The following ARHGAP12 variants were observed in gnomAD, a reference collection of about 807,000 sequenced individuals.
ARHGAP12 encodes rho GTPase-activating protein 12.
ARHGAP12 carries 64 observed loss-of-function variants against 108.6 expected under a neutral mutation model. That is an observed-to-expected ratio of 0.59 (90% CI 0.48 to 0.73). ARHGAP12 has a LOEUF of 0.73. Ranked by LOEUF, ARHGAP12 falls within the 30% of genes least tolerant of loss-of-function variation. The pLI, the probability that ARHGAP12 is intolerant of heterozygous loss-of-function variation, is 0.00. For missense variants in ARHGAP12, 940 were observed against 1,005.9 expected (o/e 0.93, Z 0.89); for synonymous variants, 312 against 337.2 (o/e 0.93, Z 0.82).
chr10:31,825,735 A>T (rs545736604), intron 11 of ARHGAP12, among the ~76,000 whole-genome samples: 1 of 152,310 alleles, frequency 6.6e-6, no homozygotes, highest in South Asian at 2.1e-4. Context: ...TATGTCACAA[A>T]TTATAATTTT....
intron 3 of ARHGAP12, among the ~76,000 whole-genome samples, chr10:31,862,861 T>C (rs1178003849): frequency 1.3e-5 from 2 of 152,238 alleles, no homozygotes. Context: ...CCTAGAATTA[T>C]ATTCAGATGT....
intron 10 of ARHGAP12, 117 bp from the exon 11 acceptor site, chr10:31,826,502 A>G: frequency 1.4e-6 from 1 of 738,342 alleles, no homozygotes; most frequent in South Asian, 2.4e-5. Context: ...AGCCTTGTTG[A>G]CATTTTAATT....
At chr10:31,906,255 A>C (rs955597685) in intron 3 of ARHGAP12, among the ~76,000 whole-genome samples, 2 of 152,206 alleles carry the variant, frequency 1.3e-5, no homozygotes, top group Admixed American at 1.3e-4. Context: ...CTTCTGATTC[A>C]GTGACTCACA....
At chr10:31,849,389 G>A (rs1836586750) in intron 6 of ARHGAP12, among the ~76,000 whole-genome samples, 2 of 151,918 alleles carry the variant, frequency 1.3e-5, no homozygotes, top group Admixed American at 1.3e-4. Context: ...AAATTTTTAG[G>A]GTAAAGACCA....
intron 2 of ARHGAP12, among the ~76,000 whole-genome samples, chr10:31,909,827 C>T (rs1482004257): frequency 2.6e-5 from 4 of 152,112 alleles, no homozygotes; most frequent in African/African-American, 9.7e-5. Context: ...GCCCAGGAGG[C>T]TGAAGTTGTG....
intron 13 of ARHGAP12, among the ~76,000 whole-genome samples, chr10:31,816,507 T>C (rs547829474): frequency 6.6e-6 from 1 of 152,264 alleles, no homozygotes; most frequent in East Asian, 1.9e-4. Context: ...GCATAAGGCA[T>C]TCACATATTT....
At position 31,928,790 on chromosome 10, in the gene ARHGAP12, G is replaced by T. The variant is rs889810702; in HGVS notation, c.-218C>A. 2 of 151,850 alleles carry T rather than the reference G, an allele frequency of 1.3e-5. No homozygotes were observed. The highest frequency in any genetic ancestry group is 2.9e-5 in the Non-Finnish European group (2 of 67,950). 9.4% of individuals were successfully genotyped at this position (151,850 alleles called of 1,614,324 possible). A position where few individuals can be genotyped will look rare whatever the true frequency, so the allele number is the denominator to read the frequency against. On this transcript the variant is annotated 5_prime_UTR_variant, in exon 1 of 20. Transcript: ENST00000344936. ...CGTTCACACGGCTACGGCCGCGGCC[G>T]GCCCGTCCCCGCAGGCTGGCCTCTG...
chr10:31,886,596 T>A (rs904820751), intron 3 of ARHGAP12, among the ~76,000 whole-genome samples: 1 of 152,150 alleles, frequency 6.6e-6, no homozygotes, highest in African/African-American at 2.4e-5. Context: ...TATACTGACA[T>A]CATATTCCAA....
chr10:31,853,854 G>A (rs984259413), intron 5 of ARHGAP12, among the ~76,000 whole-genome samples: 3 of 152,106 alleles, frequency 2.0e-5, no homozygotes, highest in African/African-American at 7.2e-5. Context: ...TCTTCCATGA[G>A]TACAAGAGCA....
At chr10:31,866,284 G>C (rs1284800262) in intron 3 of ARHGAP12, among the ~76,000 whole-genome samples, 1 of 152,182 alleles carries the variant, frequency 6.6e-6, no homozygotes, top group East Asian at 1.9e-4. Flanking sequence ...CAGCAATTAA[G>C]AAGTTTTTAA....
intron 3 of ARHGAP12, among the ~76,000 whole-genome samples, chr10:31,873,802 A>C (rs553792637): frequency 2.0e-5 from 3 of 152,258 alleles, no homozygotes; most frequent in East Asian, 1.9e-4. Context: ...CCTCATTATT[A>C]ATTTGTGTTA....
At position 31,852,517 on chromosome 10, in the gene ARHGAP12, C is replaced by G. The variant is rs767800748; in HGVS notation, c.1170G>C (p.Lys390Asn). The change falls in exon 6 of 20, where the codon AAG (lysine) becomes AAC (asparagine). Residue 390 changes from lysine (K) to asparagine (N), a missense_variant and splice_region_variant. Transcript: ENST00000344936. ...GAAATTCGGTGTCAAGGTTTATTAC[C>G]TTTGGCAATTCCCATTCTGACCGAG... Reference protein sequence around the residue: ...DGSRSEWELPKYNASSQQQRE... With the variant: ...DGSRSEWELPNYNASSQQQRE... 5.6e-6 allele frequency: 9 copies of G among 1,603,544 alleles called. No individual in the cohort carries two copies.
chr10:31,829,705 C>T (rs1835759821), intron 10 of ARHGAP12, among the ~76,000 whole-genome samples: 1 of 152,138 alleles, frequency 6.6e-6, no homozygotes, highest in Admixed American at 6.5e-5. Flanking sequence ...TAAGCATGGG[C>T]AAAGATTCAC....
intron 1 of ARHGAP12, among the ~76,000 whole-genome samples, chr10:31,920,003 A>T (rs1839723691): frequency 6.7e-6 from 1 of 148,612 alleles, no homozygotes; most frequent in Admixed American, 6.8e-5. Flanking sequence ...AATCCCAGCT[A>T]CTCAAGGCAG....
At chr10:31,921,758 CA>C (rs1293879207) in intron 1 of ARHGAP12, among the ~76,000 whole-genome samples, 1 of 51,922 alleles carries the variant, frequency 1.9e-5, no homozygotes, top group Non-Finnish European at 3.1e-5. Flanking sequence ...AGCAAGGCTC[CA>C]TCTCAAAAAA....
chr10:31,897,698 T>A (rs147064712), intron 3 of ARHGAP12, among the ~76,000 whole-genome samples: 1 of 152,128 alleles, frequency 6.6e-6, no homozygotes, highest in South Asian at 2.1e-4. Context: ...ACCTGATATA[T>A]GGTGTCTGGC....
At chr10:31,870,576 T>C (rs1837503680) in intron 3 of ARHGAP12, among the ~76,000 whole-genome samples, 1 of 152,122 alleles carries the variant, frequency 6.6e-6, no homozygotes, top group Admixed American at 6.5e-5. Flanking sequence ...AATTATAACA[T>C]TGGGCCAGTT....
chr10:31,836,470 A>G (rs1168109246), intron 9 of ARHGAP12, among the ~76,000 whole-genome samples: 3 of 152,204 alleles, frequency 2.0e-5, no homozygotes, highest in Non-Finnish European at 4.4e-5. Context: ...CAATCATTTA[A>G]AAATTAGAAA....
At chr10:31,832,622 T>C (rs556942615) in intron 9 of ARHGAP12, among the ~76,000 whole-genome samples, 174 of 152,266 alleles carry the variant, frequency 1.1e-3, no homozygotes, top group African/African-American at 3.8e-3. Flanking sequence ...TATGAGACAA[T>C]AGTCAATTTT....
Sources: allele counts gnomAD v4.1 joint callset (sites outside exome capture counted in the v4.1 genomes callset), GRCh38; gene constraint gnomAD v4.1.1; transcripts MANE v1.5; gene names NCBI Gene and HGNC (gene_info 2026-07-23, HGNC 2026-07-21).